The following OPN3 variants were observed in gnomAD, a reference collection of about 807,000 sequenced individuals.
OPN3 encodes opsin 3.
OPN3 carries 29 observed loss-of-function variants against 33.8 expected under a neutral mutation model. The ratio of observed to expected loss-of-function variants is 0.86; its 90% confidence interval spans 0.64 to 1.17. The LOEUF is 1.17. OPN3 is among the 50% of genes most tolerant of loss of function. The probability of loss-of-function intolerance (pLI) is 0.00; values close to 1 mark genes in which losing one functional copy is unlikely to be tolerated. For missense variants in OPN3, 437 were observed against 514.1 expected (o/e 0.85, Z 1.45); for synonymous variants, 216 against 216.1 (o/e 1.00, Z 0.00).
chr1:241,609,546 A>G (rs1355148274), intron 1 of OPN3, among the ~76,000 whole-genome samples: 1 of 152,242 alleles, frequency 6.6e-6, no homozygotes, highest in Non-Finnish European at 1.5e-5. Flanking sequence ...GAAACCAGAG[A>G]CATGTGGTCC....
rs1462565424 is a variant in OPN3 at position 241,594,556 on chromosome 1, T to C, written c.1081A>G (p.Lys361Glu). 1 of 1,614,152 alleles carries C rather than the reference T, an allele frequency of 6.2e-7. No homozygotes were observed. Among genetic ancestry groups the C allele is most frequent in the Non-Finnish European group, 8.5e-7 (1 of 1,180,008 alleles). The stretch of plus-strand genomic sequence containing the variant: ...GAAGAGTTGAAAGTCACTTTTTTCT[T>C]TGGCCTGTCCCCATCTTTCTGTGAC... ...VMSQKDGDRP[K>E]KKVTFNSSSI... Residue 361 changes from lysine to glutamate, a missense_variant, in exon 4 of 4, where the codon AAG becomes GAG. Lys to Glu is a moderately conservative substitution (Grantham distance 56, BLOSUM62 1). Transcript: ENST00000366554.
At chr1:241,634,459 C>T in intron 1 of OPN3, 2 of 1,613,630 alleles carry the variant, frequency 1.2e-6, no homozygotes, top group South Asian at 1.1e-5. Flanking sequence ...AACTGTCTTC[C>T]ACAATAAAAT....
At chr1:241,639,001 A>G (rs1467310129) in intron 1 of OPN3, among the ~76,000 whole-genome samples, 2 of 152,248 alleles carry the variant, frequency 1.3e-5, no homozygotes, top group Non-Finnish European at 1.5e-5. Flanking sequence ...ACACAAAAAA[A>G]TAATTTCCTT....
At chr1:241,617,289 T>A (rs1202929201) in intron 1 of OPN3, among the ~76,000 whole-genome samples, 1 of 152,348 alleles carries the variant, frequency 6.6e-6, no homozygotes, top group East Asian at 1.9e-4. Flanking sequence ...GCAAGTTGTT[T>A]CTCAGCAATG....
At chr1:241,620,325 A>G (rs1328431708) in intron 1 of OPN3, among the ~76,000 whole-genome samples, 3 of 152,234 alleles carry the variant, frequency 2.0e-5, no homozygotes, top group African/African-American at 7.2e-5. Flanking sequence ...ATTTTACCCA[A>G]CTGGTATGGA....
chr1:241,602,142 C>T (rs1271136940), intron 2 of OPN3, among the ~76,000 whole-genome samples: 2 of 152,072 alleles, frequency 1.3e-5, no homozygotes, highest in South Asian at 2.1e-4. Context: ...AAGAGCTAAA[C>T]ATAGGATGCT....
chr1:241,600,009 C>A (rs12759108), intron 2 of OPN3, among the ~76,000 whole-genome samples: 5,806 of 152,292 alleles, frequency 0.038, 157 homozygotes, highest in Non-Finnish European at 0.059. Flanking sequence ...AACATAACCA[C>A]ATCTCAGTTA....
At chr1:241,635,749 G>A (rs1027234837) in intron 1 of OPN3, 3 of 1,609,420 alleles carry the variant, frequency 1.9e-6, no homozygotes, top group Non-Finnish European at 2.5e-6. Flanking sequence ...CAAACTCTGT[G>A]GGAAGATTGT....
At chr1:241,599,945 T>C (rs1663637301) in intron 2 of OPN3, among the ~76,000 whole-genome samples, 1 of 152,224 alleles carries the variant, frequency 6.6e-6, no homozygotes, top group African/African-American at 2.4e-5. Flanking sequence ...ACATTTATGA[T>C]ACTATAGGAT....
rs539396127 is a variant in OPN3, at chr1:241,597,595, T to G, written c.945+151A>C. Reference sequence around the variant, plus strand: ...ATTGTTATGATTTTCTTTGGAAATATTCTACATTTCTTCCAGATCCCTTTA... The same window carrying G: ...ATTGTTATGATTTTCTTTGGAAATAGTCTACATTTCTTCCAGATCCCTTTA... On this transcript the variant is annotated intron_variant, in intron 3 of 3. Coordinates refer to ENST00000366554, the MANE Select transcript of OPN3 (RefSeq NM_014322.3). 8.9e-6 allele frequency: 6 copies of G among 676,988 alleles called. No homozygotes were observed. In the South Asian group the frequency reaches 1.4e-4, roughly 16 times the overall value. 41.9% of individuals were successfully genotyped at this position (676,988 alleles called of 1,614,324 possible). A position where few individuals can be genotyped will look rare whatever the true frequency, so the allele number is the denominator to read the frequency against.
chr1:241,615,960 T>C (rs1420957423), intron 1 of OPN3: 1 of 456,650 alleles, frequency 2.2e-6, no homozygotes, highest in Non-Finnish European at 4.4e-6. Flanking sequence ...GACATTAACA[T>C]CTCATGGAGC....
At chr1:241,602,163 AAAG>A (rs937350068) in intron 2 of OPN3, among the ~76,000 whole-genome samples, 4 of 152,190 alleles carry the variant, frequency 2.6e-5, no homozygotes, top group African/African-American at 9.7e-5. Flanking sequence ...GGGGAGGCCC[AAAG>A]AAGAGAAGCC....
chr1:241,610,466 T>C (rs1663960217), intron 1 of OPN3, among the ~76,000 whole-genome samples: 1 of 152,222 alleles, frequency 6.6e-6, no homozygotes, highest in South Asian at 2.1e-4. Flanking sequence ...AGAGTGAGGA[T>C]ATTTCAAGGC....
At chr1:241,620,308 A>G (rs926628722) in intron 1 of OPN3, among the ~76,000 whole-genome samples, 2 of 152,244 alleles carry the variant, frequency 1.3e-5, no homozygotes, top group African/African-American at 2.4e-5. Context: ...CTTTAATAAC[A>G]TATTTTATTT....
intron 2 of OPN3, 124 bp from the exon 3 acceptor site, chr1:241,598,121 C>G: frequency 9.1e-7 from 1 of 1,102,418 alleles, no homozygotes; most frequent in Non-Finnish European, 1.3e-6. Context: ...AACTGAATGG[C>G]ACCTTGGCAG....
chr1:241,601,036 CAAGT>C (rs886454867), intron 2 of OPN3: 3 of 151,894 alleles, frequency 2.0e-5, no homozygotes, highest in Non-Finnish European at 4.4e-5. Context: ...AGGAATTAGT[CAAGT>C]AAGGAGGAGA....
At chr1:241,608,837 T>C (rs1243595181) in intron 1 of OPN3, among the ~76,000 whole-genome samples, 2 of 152,216 alleles carry the variant, frequency 1.3e-5, no homozygotes, top group African/African-American at 2.4e-5. Context: ...TCCTCCCTGA[T>C]AGCATGAGCA....
intron 1 of OPN3, among the ~76,000 whole-genome samples, chr1:241,620,720 A>G (rs1028306543): frequency 3.9e-5 from 6 of 152,226 alleles, no homozygotes; most frequent in African/African-American, 1.4e-4. Flanking sequence ...TCAATATAAA[A>G]TTATTGAGAT....
chr1:241,602,171 G>A (rs564853999), intron 2 of OPN3, among the ~76,000 whole-genome samples: 47 of 152,300 alleles, frequency 3.1e-4, no homozygotes, highest in African/African-American at 7.5e-4. Flanking sequence ...CCAAAGAAGA[G>A]AAGCCCTTGG....
Sources: gnomAD v4.1 joint callset for allele counts (sites outside exome capture counted in the v4.1 genomes callset) on GRCh38, gnomAD v4.1.1 for gene constraint, MANE v1.5 for transcripts, NCBI Gene and HGNC (gene_info 2026-07-23, HGNC 2026-07-21) for gene names.